The following FANCB variants were observed in gnomAD, a reference collection of about 807,000 sequenced individuals.
FANCB encodes Fanconi anemia group B protein.
In FANCB, 5 loss-of-function variants were observed where a neutral mutation model predicts 38.9. The observed-to-expected ratio is 0.13, with a 90% CI of 0.07 to 0.27. The LOEUF (loss-of-function observed/expected upper bound fraction) is 0.27. FANCB is among the 10% of genes least tolerant of loss of function. FANCB has a pLI of 1.00. For synonymous variants in FANCB, 236 were observed against 215.4 expected (o/e 1.10, Z -0.84); for missense variants, 573 against 602.7 (o/e 0.95, Z 0.52).
the FANCB span, among the ~76,000 whole-genome samples, chrX:14,746,942 G>C: frequency 9.0e-6 from 1 of 111,557 alleles, no homozygotes; most frequent in Non-Finnish European, 1.9e-5. Context: ...TAAAGAATTG[G>C]AACATTACAT....
At chrX:14,720,721 C>T in the FANCB span, among the ~76,000 whole-genome samples, 1 of 111,805 alleles carries the variant, frequency 8.9e-6, no homozygotes, top group Non-Finnish European at 1.9e-5. Flanking sequence ...ACTTGTTTGC[C>T]ACTGAGTAAC....
chrX:14,769,152 G>T, the FANCB span, among the ~76,000 whole-genome samples: 4 of 111,349 alleles, frequency 3.6e-5, no homozygotes, highest in African/African-American at 1.3e-4. Flanking sequence ...TCCAGGATTT[G>T]GTATCAGGAT....
the FANCB span, among the ~76,000 whole-genome samples, chrX:14,796,371 T>TACACAC: frequency 5.0e-3 from 498 of 98,822 alleles, 1 homozygote; most frequent in Non-Finnish European, 7.7e-3. Flanking sequence ...TGTGTATGTA[T>TACACAC]ACACACACAC....
the FANCB span, among the ~76,000 whole-genome samples, chrX:14,748,542 C>T: frequency 1.8e-5 from 2 of 112,657 alleles, no homozygotes; most frequent in East Asian, 2.8e-4. Flanking sequence ...TAAATGTATG[C>T]TGATAACAAC....
the FANCB span, among the ~76,000 whole-genome samples, chrX:14,746,279 A>C: frequency 8.9e-6 from 1 of 112,067 alleles, no homozygotes; most frequent in African/African-American, 3.2e-5. Context: ...AAAAGCAGGG[A>C]TGAAAATATG....
At chrX:14,824,647 A>G in the FANCB span, among the ~76,000 whole-genome samples, 1 of 112,232 alleles carries the variant, frequency 8.9e-6, no homozygotes, top group Admixed American at 9.5e-5. Flanking sequence ...TACAGATCAC[A>G]AAACACATAT....
chrX:14,795,553 G>A, the FANCB span, among the ~76,000 whole-genome samples: 6 of 111,628 alleles, frequency 5.4e-5, no homozygotes, highest in East Asian at 2.8e-4. Flanking sequence ...CTATGAAAAG[G>A]GGACATGACT....
the FANCB span, among the ~76,000 whole-genome samples, chrX:14,784,692 C>G: frequency 8.0e-5 from 9 of 112,160 alleles, no homozygotes; most frequent in Admixed American, 1.9e-4. Flanking sequence ...ATAAATCATT[C>G]TACCATAAAG....
the FANCB span, among the ~76,000 whole-genome samples, chrX:14,763,525 G>A: frequency 1.8e-5 from 2 of 111,890 alleles, no homozygotes; most frequent in Admixed American, 9.5e-5. Flanking sequence ...AGAGAAGCAC[G>A]GTGGGTCACA....
At chrX:14,764,272 A>G in the FANCB span, among the ~76,000 whole-genome samples, 1 of 110,269 alleles carries the variant, frequency 9.1e-6, no homozygotes, top group East Asian at 2.9e-4. Flanking sequence ...CAGCTGTACG[A>G]CTGAGATCCC....
the FANCB span, among the ~76,000 whole-genome samples, chrX:14,795,287 A>ACT: frequency 0.15 from 16,441 of 111,891 alleles, 2,008 homozygotes; most frequent in African/African-American, 0.4. Flanking sequence ...GCAAACAGTA[A>ACT]CTATATTCCA....
the FANCB span, among the ~76,000 whole-genome samples, chrX:14,714,233 A>T: frequency 1.8e-5 from 2 of 110,981 alleles, no homozygotes; most frequent in Non-Finnish European, 3.8e-5. Flanking sequence ...GTTCTCAAGT[A>T]GGGTTGATTT....
At chrX:14,715,569 T>A in the FANCB span, among the ~76,000 whole-genome samples, 1 of 111,388 alleles carries the variant, frequency 9.0e-6, no homozygotes, top group Non-Finnish European at 1.9e-5. Flanking sequence ...TATGGAGACA[T>A]GTACTACAGG....
chrX:14,693,469 C>T, the FANCB span, among the ~76,000 whole-genome samples: 2 of 111,396 alleles, frequency 1.8e-5, no homozygotes, highest in African/African-American at 6.5e-5. Context: ...TCAGAATACA[C>T]CAAGTTTAAA....
the FANCB span, among the ~76,000 whole-genome samples, chrX:14,719,104 C>T: frequency 2.7e-5 from 3 of 111,998 alleles, no homozygotes; most frequent in Middle Eastern, 4.6e-3. Context: ...TCCAAGACCA[C>T]CAATATTAAA....
chrX:14,739,819 T>C, the FANCB span, among the ~76,000 whole-genome samples: 1 of 112,372 alleles, frequency 8.9e-6, no homozygotes, highest in Non-Finnish European at 1.9e-5. Flanking sequence ...ACAAGTAATA[T>C]ATAGTTTCCC....
chrX:14,850,913 G>T (rs2092398698), intron 6 of FANCB, among the ~76,000 whole-genome samples: 2 of 110,371 alleles, frequency 1.8e-5, no homozygotes, highest in African/African-American at 6.6e-5. Flanking sequence ...GCAAGATGGG[G>T]TATCCAACAA....
At chrX:14,850,767 G>T in intron 6 of FANCB, 93 bp from the exon 7 acceptor site, 1 of 505,996 alleles carries the variant, frequency 2.0e-6, no homozygotes. Flanking sequence ...TTTTGGCTAG[G>T]GCTTATGGCC....
At chrX:14,856,028 C>A (rs771854883) in intron 5 of FANCB, among the ~76,000 whole-genome samples, 12 of 112,132 alleles carry the variant, frequency 1.1e-4, no homozygotes, top group African/African-American at 3.2e-4. Flanking sequence ...ATAAATTAAG[C>A]CTTTCATAAA....
Sources: allele counts gnomAD v4.1 joint callset (sites outside exome capture counted in the v4.1 genomes callset), GRCh38; gene constraint gnomAD v4.1.1; transcripts MANE v1.5; gene names NCBI Gene and HGNC (gene_info 2026-07-23, HGNC 2026-07-21).